Variants in TSC22D4 observed in about 807,000 individuals in gnomAD.
TSC22D4 encodes the protein TSC22 domain family member 4.
In TSC22D4, 5 loss-of-function variants were observed where a neutral mutation model predicts 24.9. The observed-to-expected ratio is 0.20, with a 90% confidence interval of 0.10 to 0.42. The LOEUF (loss-of-function observed/expected upper bound fraction) is 0.42. Among genes scored for constraint, TSC22D4 ranks in the 10% least tolerant of loss-of-function variants. TSC22D4 has a pLI of 1.00. For synonymous variants in TSC22D4, 245 were observed against 243.2 expected, an observed-to-expected ratio of 1.01 and a Z score of -0.07; for missense variants, 469 against 547.9, an observed-to-expected ratio of 0.86 and a Z score of 1.44.
chr7:100,467,684 C>G (rs756303021), intron 3 of TSC22D4, 84 bp from the exon 4 acceptor site: 8 of 1,260,582 alleles, frequency 6.3e-6, no homozygotes, highest in Non-Finnish European at 9.2e-6. Flanking sequence ...CCCGCCCACA[C>G]CCCCCTGTAC....
intron 3 of TSC22D4, among the ~76,000 whole-genome samples, chr7:100,471,790 TCA>T (rs962095108): frequency 3.3e-5 from 5 of 151,982 alleles, no homozygotes; most frequent in African/African-American, 1.2e-4. Flanking sequence ...TCTCTGAGTC[TCA>T]GATACTTCAT....
chr7:100,474,799 TTA>T lies in TSC22D4; in HGVS notation c.763-361_763-360del, dbSNP rs1799462792. Among the ~76,000 whole-genome samples the T allele has an allele frequency of 6.6e-6, 1 of 152,200 alleles. No individual in the cohort carries two copies. The highest frequency in any genetic ancestry group is 2.1e-4 in the South Asian group (1 of 4,818). On this transcript the variant is annotated intron_variant, in intron 2 of 4. Coordinates refer to ENST00000300181, the MANE Select transcript of TSC22D4 (RefSeq NM_030935.5). The surrounding 1 kb of genome is among the most constrained non-coding windows in gnomAD (Gnocchi z 4.3). The stretch of plus-strand genomic sequence containing the variant: ...GGCTACGCAGCGTGTCTGCCTTCTT[TTA>T]TGTTTTATTTTTATTTTTTTGAGAC...
chr7:100,467,888 C>G (rs1193147257), intron 3 of TSC22D4: 4 of 618,774 alleles, frequency 6.5e-6, no homozygotes, highest in Non-Finnish European at 6.2e-6. Context: ...ATCCCCACCA[C>G]TCGGGTCTCA....
chr7:100,475,978 C>G (rs1402317902), intron 2 of TSC22D4, among the ~76,000 whole-genome samples: 1 of 150,850 alleles, frequency 6.6e-6, no homozygotes, highest in South Asian at 2.1e-4. Context: ...GACTTTTGGG[C>G]AAGGAAATAG....
At chr7:100,471,871 G>A (rs989182111) in intron 3 of TSC22D4, among the ~76,000 whole-genome samples, 1 of 152,130 alleles carries the variant, frequency 6.6e-6, no homozygotes, top group African/African-American at 2.4e-5. Flanking sequence ...ACCCAAGGGA[G>A]GCACTGGATA....
intron 3 of TSC22D4, 81 bp from the exon 4 acceptor site, chr7:100,467,681 A>G (rs1253026664): frequency 7.5e-7 from 1 of 1,326,182 alleles, no homozygotes; most frequent in Non-Finnish European, 1.1e-6. Context: ...CCTCCCGCCC[A>G]CACCCCCCTG....
intron 2 of TSC22D4, among the ~76,000 whole-genome samples, chr7:100,476,947 C>T (rs1481899325): frequency 2.0e-5 from 3 of 152,172 alleles, no homozygotes; most frequent in Non-Finnish European, 4.4e-5. Flanking sequence ...GGCCTCCACC[C>T]TCATCACCTA....
At chr7:100,472,536 CG>C (rs1799411946) in intron 3 of TSC22D4, among the ~76,000 whole-genome samples, 2 of 147,620 alleles carry the variant, frequency 1.4e-5, no homozygotes, top group South Asian at 4.5e-4. Flanking sequence ...GGGGGAGGGA[CG>C]GGGAGTCCTC....
intron 1 of TSC22D4, among the ~76,000 whole-genome samples, 180 bp from the exon 2 acceptor site, chr7:100,478,487 C>G (rs1274806247): frequency 6.6e-6 from 1 of 151,308 alleles, no homozygotes; most frequent in Admixed American, 6.6e-5. Flanking sequence ...CAGAGACAGG[C>G]AAGAGATGAC....
At chr7:100,478,433 C>T in intron 1 of TSC22D4, 126 bp from the exon 2 acceptor site, 1 of 202,472 alleles carries the variant, frequency 4.9e-6, no homozygotes. Context: ...CCGGGGCTTC[C>T]TCTCCGGGGA....
At position 100,466,629 on chromosome 7, in the gene TSC22D4, A is replaced by C. The variant is rs1584344997; in HGVS notation, c.*330T>G. On this transcript the variant is annotated 3_prime_UTR_variant, in exon 5 of 5. Transcript: ENST00000300181. ...CTCCCCTGGGCAGAGGAGAGGAGGC[A>C]CCTCAAGGGAACAAGATGGGGGTGG... 1 of 343,916 alleles carries C rather than the reference A, an allele frequency of 2.9e-6. No individual in the cohort carries two copies. Among genetic ancestry groups the C allele is most frequent in the Non-Finnish European group, 5.3e-6 (1 of 188,586 alleles). 21.3% of individuals were successfully genotyped at this position (343,916 alleles called of 1,614,324 possible).
intron 1 of TSC22D4, 39 bp from the exon 2 acceptor site, chr7:100,478,346 A>AGTGT (rs1799553927): frequency 2.6e-5 from 7 of 269,930 alleles, no homozygotes; most frequent in East Asian, 7.8e-5. Flanking sequence ...AGAGAGAGAG[A>AGTGT]GAGAGTGTGT....
chr7:100,469,480 G>A (rs1799354597), intron 3 of TSC22D4, among the ~76,000 whole-genome samples: 1 of 152,082 alleles, frequency 6.6e-6, no homozygotes, highest in African/African-American at 2.4e-5. Context: ...GCTCCACGAC[G>A]TTGGGCTCCT....
In TSC22D4 at chr7:100,478,788, C is replaced by T. The variant is rs1345988636; in HGVS notation, c.-270+6G>A. The T allele has an allele frequency of 1.3e-5, 2 of 152,242 alleles. No individual in the cohort carries two copies. Among genetic ancestry groups the T allele is most frequent in the Admixed American group, 1.3e-4 (2 of 15,274 alleles). The allele number at this position is 152,242 out of a possible 1,614,324, so 9.4% of individuals were successfully genotyped here. ...CCCCAGCGCCCCACCCAGCCCTGAA[C>T]CCTACCTCTGGGGCCTCGGCCACTG... On this transcript the variant is annotated splice_donor_region_variant and intron_variant, in intron 1 of 4. Transcript: ENST00000300181.
intron 4 of TSC22D4, 30 bp from the exon 5 acceptor site, chr7:100,467,198 A>G (rs1165371047): frequency 5.6e-6 from 9 of 1,610,326 alleles, no homozygotes; most frequent in Middle Eastern, 1.6e-4. Flanking sequence ...CACAGCGTCA[A>G]CGGGGTGGGT....
rs1563184151 is a variant in TSC22D4, at chr7:100,477,944, G to A, written c.95C>T (p.Thr32Ile). The A allele has an allele frequency of 6.4e-7, 1 of 1,551,966 alleles. No individual in the cohort carries two copies. The highest frequency in any genetic ancestry group is 8.7e-7 in the Non-Finnish European group (1 of 1,147,018). The change falls in exon 2 of 5, where the codon ACC becomes ATC. Residue 32 changes from threonine (T) to isoleucine (I), a missense_variant. Physicochemically the swap from Thr to Ile is moderately conservative, Grantham distance 89 (BLOSUM62 -1). Transcript: ENST00000300181. The surrounding 1 kb of genome is among the most constrained non-coding windows in gnomAD (Gnocchi z 7.8). ...CGGGGGCCCGGTTGGGGGCTGTGGG[G>A]TAGGGGGATCCGAAGCCCCTGGGCT... ...PGSPGASDPP[T>I]PQPPTGPPPR...
At chr7:100,471,674 A>T (rs1799395846) in intron 3 of TSC22D4, among the ~76,000 whole-genome samples, 1 of 152,126 alleles carries the variant, frequency 6.6e-6, no homozygotes, top group Non-Finnish European at 1.5e-5. Context: ...TGGGAGGCAG[A>T]GGTTGCAGTG....
rs753031149 is a variant in TSC22D4, at chr7:100,474,285, G to T, written c.918C>A (p.Ser306Arg). Reference sequence around the variant, plus strand: ...CGAAGCCCACCTACCTATCATCGTCGCTGTCTAGGTGACCACTGATGGCCA... The same window carrying T: ...CGAAGCCCACCTACCTATCATCGTCTCTGTCTAGGTGACCACTGATGGCCA... Reference protein sequence around the residue: ...SMLAISGHLDSDDDSGSGSLV... With the variant: ...SMLAISGHLDRDDDSGSGSLV... The change falls in exon 3 of 5, where the codon AGC becomes AGA. Residue 306 changes from serine (S) to arginine (R), a missense_variant. Ser to Arg is a moderately radical substitution (Grantham distance 110). Transcript: ENST00000300181. This position sits in a 1 kb window ranked among gnomAD's most constrained non-coding sequence, Gnocchi z 4.3. 1.9e-6 allele frequency: 3 copies of T among 1,613,902 alleles called. No homozygotes were observed. The South Asian group carries it at 3.3e-5, about 18-fold the overall frequency.
At chr7:100,470,249 G>A (rs1442676538) in intron 3 of TSC22D4, among the ~76,000 whole-genome samples, 1 of 152,134 alleles carries the variant, frequency 6.6e-6, no homozygotes, top group Admixed American at 6.6e-5. Context: ...CAGAGATAAA[G>A]GAATAATACA....
Sources: allele counts gnomAD v4.1 joint callset (sites outside exome capture counted in the v4.1 genomes callset), GRCh38; gene constraint gnomAD v4.1.1; non-coding constraint Gnocchi (gnomAD v3.1); transcripts MANE v1.5; gene names NCBI Gene and HGNC (gene_info 2026-07-23, HGNC 2026-07-21).